CSGALNACT1: variants seen among roughly 807,000 people sequenced by gnomAD.
The protein encoded by CSGALNACT1 is chondroitin sulfate N-acetylgalactosaminyltransferase 1.
A neutral mutation model predicts 51.0 loss-of-function variants in CSGALNACT1; 52 were observed. That is an observed-to-expected ratio of 1.02 (90% CI 0.82 to 1.29). CSGALNACT1 has a LOEUF of 1.29. Among genes scored for constraint, CSGALNACT1 ranks in the 50% most tolerant of loss-of-function variants. The probability of loss-of-function intolerance (pLI) is 0.00; values close to 1 mark genes in which losing one functional copy is unlikely to be tolerated. For synonymous variants in CSGALNACT1, 341 were observed against 254.4 expected (o/e 1.34, Z -3.24); for missense variants, 935 against 679.2 (o/e 1.38, Z -4.19).
At chr8:19,613,945 C>A (rs776506605) in intron 1 of CSGALNACT1, among the ~76,000 whole-genome samples, 2 of 152,188 alleles carry the variant, frequency 1.3e-5, no homozygotes, top group Non-Finnish European at 2.9e-5. Context: ...TCAACTAATG[C>A]ATTAATTATT....
intron 1 of CSGALNACT1, among the ~76,000 whole-genome samples, chr8:19,657,236 AGAT>A (rs367778826): frequency 5.3e-5 from 3 of 56,676 alleles, no homozygotes; most frequent in African/African-American, 2.0e-4. Flanking sequence ...ATAAACTGAA[AGAT>A]GATAAACTGA....
At chr8:19,429,650 T>C (rs1433946866) in intron 6 of CSGALNACT1, among the ~76,000 whole-genome samples, 1 of 152,272 alleles carries the variant, frequency 6.6e-6, no homozygotes, top group Non-Finnish European at 1.5e-5. Context: ...GAGTTGTTTC[T>C]ACCTTTTGGA....
intron 3 of CSGALNACT1, among the ~76,000 whole-genome samples, chr8:19,513,434 C>CTG (rs1353825526): frequency 1.5e-5 from 1 of 66,534 alleles, no homozygotes; most frequent in Non-Finnish European, 3.3e-5. Flanking sequence ...CTCTCTCTCT[C>CTG]TCTATATATA....
chr8:19,751,527 G>T (rs1048637477), intron 1 of CSGALNACT1, among the ~76,000 whole-genome samples: 1 of 152,078 alleles, frequency 6.6e-6, no homozygotes, highest in Non-Finnish European at 1.5e-5. Flanking sequence ...GCGACTACTA[G>T]AATGATCTAC....
At chr8:19,738,224 A>G (rs2064104301) in intron 1 of CSGALNACT1, among the ~76,000 whole-genome samples, 1 of 152,224 alleles carries the variant, frequency 6.6e-6, no homozygotes, top group African/African-American at 2.4e-5. Context: ...TCTCATCTCC[A>G]TAAAGAAAAA....
chr8:19,610,851 C>T (rs897614829), intron 1 of CSGALNACT1, among the ~76,000 whole-genome samples: 5 of 152,234 alleles, frequency 3.3e-5, no homozygotes, highest in Non-Finnish European at 7.3e-5. Flanking sequence ...AGGATCTAAC[C>T]GAGCAGGTTA....
chr8:19,487,664 A>G (rs2073302330), intron 4 of CSGALNACT1, among the ~76,000 whole-genome samples: 1 of 152,210 alleles, frequency 6.6e-6, no homozygotes, highest in South Asian at 2.1e-4. Flanking sequence ...ACCTTCAGCT[A>G]AGGTGCTTGG....
At chr8:19,732,167 G>A (rs1032233773) in intron 1 of CSGALNACT1, among the ~76,000 whole-genome samples, 3 of 152,066 alleles carry the variant, frequency 2.0e-5, no homozygotes, top group South Asian at 4.1e-4. Context: ...TGCTTAAAAC[G>A]GCACGTTATC....
intron 1 of CSGALNACT1, among the ~76,000 whole-genome samples, chr8:19,677,204 G>A (rs10087018): frequency 0.29 from 43,435 of 151,870 alleles, 6,672 homozygotes; most frequent in African/African-American, 0.39. Flanking sequence ...GAGTTTTTGG[G>A]CTCAAGTGAT....
chr8:19,689,486 A>G (rs888129831), intron 1 of CSGALNACT1, among the ~76,000 whole-genome samples: 3 of 152,334 alleles, frequency 2.0e-5, no homozygotes. Flanking sequence ...TCCGAACTCA[A>G]TAACTGTTGT....
chr8:19,735,068 G>C (rs2063896661), intron 1 of CSGALNACT1, among the ~76,000 whole-genome samples: 1 of 152,106 alleles, frequency 6.6e-6, no homozygotes, highest in Non-Finnish European at 1.5e-5. Flanking sequence ...GCTGGGGCCA[G>C]AGTGCCAGAA....
intron 1 of CSGALNACT1, among the ~76,000 whole-genome samples, chr8:19,748,770 A>G (rs747617793): frequency 1.7e-4 from 26 of 152,074 alleles, no homozygotes; most frequent in Non-Finnish European, 3.7e-4. Flanking sequence ...TTCAAGACCA[A>G]CCTGGCCAAC....
intron 1 of CSGALNACT1, among the ~76,000 whole-genome samples, chr8:19,712,753 A>T (rs1420757079): frequency 6.6e-6 from 1 of 152,210 alleles, no homozygotes; most frequent in African/African-American, 2.4e-5. Context: ...AGCACCTGTT[A>T]CCTTGCTAAA....
chr8:19,739,153 A>G (rs1243319464), intron 1 of CSGALNACT1, among the ~76,000 whole-genome samples: 1 of 151,856 alleles, frequency 6.6e-6, no homozygotes, highest in Non-Finnish European at 1.5e-5. Flanking sequence ...GTATGCTTCT[A>G]TCGTGCTACT....
intron 3 of CSGALNACT1, among the ~76,000 whole-genome samples, chr8:19,542,133 T>A (rs1282459743): frequency 6.6e-6 from 1 of 152,114 alleles, no homozygotes; most frequent in Non-Finnish European, 1.5e-5. Context: ...TGCTTTCTTC[T>A]GTGAGCTCCT....
chr8:19,611,732 T>C (rs981193239), intron 1 of CSGALNACT1, among the ~76,000 whole-genome samples: 2 of 152,122 alleles, frequency 1.3e-5, no homozygotes, highest in Non-Finnish European at 2.9e-5. Context: ...CTTCATTGCA[T>C]AGCTACAGTT....
chr8:19,521,731 C>T (rs1248127525), intron 3 of CSGALNACT1, among the ~76,000 whole-genome samples: 2 of 152,108 alleles, frequency 1.3e-5, no homozygotes, highest in African/African-American at 4.8e-5. Context: ...ATGGAGCTGC[C>T]ACTGAAAAAT....
At chr8:19,471,838 G>T (rs1043781666) in intron 4 of CSGALNACT1, among the ~76,000 whole-genome samples, 2 of 152,180 alleles carry the variant, frequency 1.3e-5, no homozygotes, top group African/African-American at 4.8e-5. Context: ...TGCTCCAGGT[G>T]ATCAACAGCC....
chr8:19,457,965 G>T (rs1729572097), intron 5 of CSGALNACT1: 4 of 483,190 alleles, frequency 8.3e-6, no homozygotes, highest in East Asian at 6.9e-5. Context: ...GCCACCACTA[G>T]AACAGGACAG....
Sources: gnomAD v4.1 joint callset for allele counts (sites outside exome capture counted in the v4.1 genomes callset) on GRCh38, gnomAD v4.1.1 for gene constraint, MANE v1.5 for transcripts, NCBI Gene and HGNC (gene_info 2026-07-23, HGNC 2026-07-21) for gene names.